Variants in BEST3 observed in about 807,000 individuals in gnomAD.
BEST3 encodes bestrophin-3.
A neutral mutation model predicts 47.1 loss-of-function variants in BEST3; 50 were observed. The ratio of observed to expected loss-of-function variants is 1.06; its 90% CI spans 0.85 to 1.34. The LOEUF is 1.34. BEST3 is among the 40% of genes most tolerant of loss of function. BEST3 has a pLI of 0.00. For missense variants in BEST3, 765 were observed against 817.0 expected (o/e 0.94, Z 0.78); for synonymous variants, 282 against 298.8 (o/e 0.94, Z 0.58).
intron 4 of BEST3, among the ~76,000 whole-genome samples, chr12:69,686,771 C>CAAAAAAACAAAAAAAAAA (rs376779536): frequency 6.4e-4 from 32 of 49,900 alleles, no homozygotes; most frequent in African/African-American, 2.2e-3. Context: ...GATTCTGCCT[C>CAAAAAAACAAAAAAAAAA]AAAAAAACAA....
chr12:69,681,742 C>T (rs1885264314), intron 4 of BEST3, among the ~76,000 whole-genome samples: 1 of 152,126 alleles, frequency 6.6e-6, no homozygotes, highest in Non-Finnish European at 1.5e-5. Context: ...CAGGAGTTCT[C>T]AACCCAAGTC....
intron 7 of BEST3, among the ~76,000 whole-genome samples, 187 bp from the exon 8 acceptor site, chr12:69,673,152 A>G (rs1001179709): frequency 6.6e-6 from 1 of 152,212 alleles, no homozygotes; most frequent in Non-Finnish European, 1.5e-5. Flanking sequence ...ACCATGAATG[A>G]TGCACCTTCG....
At chr12:69,683,732 C>T (rs775469) in intron 4 of BEST3, 109,205 of 152,128 alleles carry the variant, frequency 0.72, 39,244 homozygotes, top group South Asian at 0.81. Flanking sequence ...TTTGGGCACA[C>T]GTCATCAGGA....
At chr12:69,689,106 G>A (rs757650401) in intron 4 of BEST3, 35 of 985,332 alleles carry the variant, frequency 3.6e-5, no homozygotes, top group East Asian at 1.1e-4. Flanking sequence ...CAGGTGCTCC[G>A]GCTTTGGACT....
At chr12:69,671,668 G>A in intron 8 of BEST3, 89 bp from the exon 9 acceptor site, 1 of 1,218,794 alleles carries the variant, frequency 8.2e-7, no homozygotes, top group East Asian at 2.3e-5. Flanking sequence ...GTTAGATTGG[G>A]CTAGGACACA....
intron 4 of BEST3, among the ~76,000 whole-genome samples, chr12:69,686,184 G>GAAAAA (rs1885570440): frequency 1.0e-5 from 1 of 95,442 alleles, no homozygotes. Flanking sequence ...TAATGGATCA[G>GAAAAA]GAAAAAAAAA....
At chr12:69,685,427 TG>T (rs976633093) in intron 4 of BEST3, among the ~76,000 whole-genome samples, 7 of 152,218 alleles carry the variant, frequency 4.6e-5, no homozygotes, top group Admixed American at 1.3e-4. Flanking sequence ...TTAATTGATG[TG>T]TTCTAGTGCA....
chr12:69,692,289 GT>G (rs1424111364), intron 4 of BEST3, among the ~76,000 whole-genome samples: 1 of 152,210 alleles, frequency 6.6e-6, no homozygotes, highest in African/African-American at 2.4e-5. Flanking sequence ...GCAAACTAAT[GT>G]GAGACTGGAC....
rs750859281 is a variant in BEST3 at position 69,670,466 on chromosome 12, G to T, written c.1100+962C>A. 5.7e-6 allele frequency: 4 copies of T among 702,850 alleles called. No homozygotes were observed. In the East Asian group the frequency reaches 8.0e-5, roughly 14 times the overall value. 43.5% of individuals were successfully genotyped at this position (702,850 alleles called of 1,614,324 possible). On this transcript the variant is annotated intron_variant, in intron 9 of 9. Coordinates refer to ENST00000330891, the MANE Select transcript of BEST3 (RefSeq NM_032735.3). The stretch of plus-strand genomic sequence containing the variant: ...CACTTTCAGTCTTCCTTTTCTTTGG[G>T]TCTGGAAAGGTTTTCAGCCTCAGAG...
intron 9 of BEST3, among the ~76,000 whole-genome samples, chr12:69,661,826 G>A (rs903036385): frequency 1.4e-4 from 21 of 152,264 alleles, no homozygotes; most frequent in African/African-American, 4.8e-4. Context: ...ACTACTACCC[G>A]TGTTGGCCTA....
chr12:69,667,002 ATCTG>A (rs1884263532), intron 9 of BEST3, among the ~76,000 whole-genome samples: 1 of 152,174 alleles, frequency 6.6e-6, no homozygotes, highest in Non-Finnish European at 1.5e-5. Context: ...ATCCTCAGCT[ATCTG>A]TCTTTCAGCC....
chr12:69,698,712 A>G (rs1311574685), intron 1 of BEST3, among the ~76,000 whole-genome samples: 1 of 152,244 alleles, frequency 6.6e-6, no homozygotes, highest in Non-Finnish European at 1.5e-5. Context: ...AAAGTAGCCT[A>G]CACCACACAT....
At chr12:69,672,613 G>T (rs1230132537) in intron 8 of BEST3, among the ~76,000 whole-genome samples, 1 of 152,198 alleles carries the variant, frequency 6.6e-6, no homozygotes, top group Admixed American at 6.5e-5. Flanking sequence ...GCTCTATGCT[G>T]AGATGAAAGA....
At chr12:69,655,921 T>G in intron 9 of BEST3, 108 bp from the exon 10 acceptor site, 1 of 1,463,028 alleles carries the variant, frequency 6.8e-7, no homozygotes, top group Non-Finnish European at 9.0e-7. Flanking sequence ...CTTATAGATT[T>G]TTTAAATGGG....
At chr12:69,650,869 G>A (rs1039811237), downstream of BEST3, among the ~76,000 whole-genome samples, 2 of 152,084 alleles carry the variant, frequency 1.3e-5, no homozygotes, top group African/African-American at 4.8e-5. Flanking sequence ...GGAGGAGTTG[G>A]GAAGCATATG....
intron 9 of BEST3, among the ~76,000 whole-genome samples, chr12:69,647,869 A>G (rs1883088869): frequency 6.6e-6 from 1 of 152,260 alleles, no homozygotes; most frequent in Non-Finnish European, 1.5e-5. Context: ...GTCTATTATT[A>G]GTCTAGAAAA....
chr12:69,671,687 G>A, intron 8 of BEST3, 108 bp from the exon 9 acceptor site: 1 of 959,042 alleles, frequency 1.0e-6, no homozygotes, highest in Non-Finnish European at 1.6e-6. Flanking sequence ...CAGTCTAAAT[G>A]AGTGAATATA....
intron 9 of BEST3, among the ~76,000 whole-genome samples, chr12:69,644,463 T>C (rs1350387324): frequency 6.6e-6 from 1 of 152,214 alleles, no homozygotes; most frequent in Non-Finnish European, 1.5e-5. Flanking sequence ...TAAGAGGTTT[T>C]AGTGAGAGTT....
chr12:69,687,868 A>T (rs887514113), intron 4 of BEST3, among the ~76,000 whole-genome samples: 1 of 152,204 alleles, frequency 6.6e-6, no homozygotes, highest in Non-Finnish European at 1.5e-5. Context: ...TTAATTTAAG[A>T]TAAGATTTGT....
Sources: gnomAD v4.1 joint callset for allele counts (sites outside exome capture counted in the v4.1 genomes callset) on GRCh38, gnomAD v4.1.1 for gene constraint, MANE v1.5 for transcripts, NCBI Gene and HGNC (gene_info 2026-07-23, HGNC 2026-07-21) for gene names.